Variants in NKAIN3 observed in about 807,000 individuals in gnomAD.
The protein encoded by NKAIN3 is sodium/potassium transporting ATPase interacting 3, also known as sodium/potassium-transporting ATPase subunit beta-1-interacting protein 3.
In NKAIN3, 25 loss-of-function variants were observed where a neutral mutation model predicts 30.2. The observed-to-expected ratio is 0.83, with a 90% CI of 0.60 to 1.16. NKAIN3 has a LOEUF of 1.16. Among genes scored for constraint, NKAIN3 ranks in the 50% most tolerant of loss-of-function variants. NKAIN3 has a pLI of 0.00. For missense variants in NKAIN3, 225 were observed against 254.1 expected, an observed-to-expected ratio of 0.89 and a Z score of 0.78; for synonymous variants, 91 against 89.6, an observed-to-expected ratio of 1.02 and a Z score of -0.09.
At chr8:62,633,102 T>C (rs1812018387) in intron 3 of NKAIN3, among the ~76,000 whole-genome samples, 1 of 152,092 alleles carries the variant, frequency 6.6e-6, no homozygotes, top group Non-Finnish European at 1.5e-5. Flanking sequence ...CTACAAATCC[T>C]TATGCTGCCA....
At chr8:62,419,867 C>T (rs1405544358) in intron 1 of NKAIN3, among the ~76,000 whole-genome samples, 4 of 152,170 alleles carry the variant, frequency 2.6e-5, no homozygotes, top group African/African-American at 7.2e-5. Flanking sequence ...AAGGCCATCT[C>T]GAGGTGCCCA....
chr8:62,843,235 G>A (rs1209715049), intron 4 of NKAIN3, among the ~76,000 whole-genome samples: 1 of 151,710 alleles, frequency 6.6e-6, no homozygotes, highest in East Asian at 1.9e-4. Flanking sequence ...AGCTGGAAAA[G>A]GCAAGGAAAT....
chr8:62,391,634 ATAT>A (rs763847049), intron 1 of NKAIN3, among the ~76,000 whole-genome samples: 68 of 152,152 alleles, frequency 4.5e-4, no homozygotes, highest in Admixed American at 4.0e-3. Context: ...AGCATATGTA[ATAT>A]TATTTTAAAA....
intron 3 of NKAIN3, among the ~76,000 whole-genome samples, chr8:62,603,333 C>T (rs1811036383): frequency 6.6e-6 from 1 of 152,048 alleles, no homozygotes; most frequent in Non-Finnish European, 1.5e-5. Context: ...ACCAGAATAG[C>T]AGTGTGTACT....
chr8:62,529,225 G>A (rs561914115), intron 1 of NKAIN3, among the ~76,000 whole-genome samples: 3 of 152,064 alleles, frequency 2.0e-5, no homozygotes, highest in Non-Finnish European at 2.9e-5. Flanking sequence ...TTTCTTGCAG[G>A]ATAACTTGAC....
At chr8:62,714,096 T>C (rs1393572764) in intron 3 of NKAIN3, among the ~76,000 whole-genome samples, 1 of 152,164 alleles carries the variant, frequency 6.6e-6, no homozygotes, top group Non-Finnish European at 1.5e-5. Flanking sequence ...CCATTTTTCA[T>C]TTCAGAAATA....
At chr8:62,290,676 A>G (rs879946549) in intron 1 of NKAIN3, among the ~76,000 whole-genome samples, 2 of 152,168 alleles carry the variant, frequency 1.3e-5, no homozygotes, top group African/African-American at 4.8e-5. Flanking sequence ...ATCAATGTTC[A>G]TCAGGGATAT....
At chr8:62,443,508 C>T (rs1366822581) in intron 1 of NKAIN3, among the ~76,000 whole-genome samples, 1 of 152,002 alleles carries the variant, frequency 6.6e-6, no homozygotes, top group African/African-American at 2.4e-5. Flanking sequence ...CTCAGCCTCC[C>T]GAGTAGCTGG....
At chr8:62,694,553 G>A (rs1474483646) in intron 3 of NKAIN3, among the ~76,000 whole-genome samples, 4 of 152,068 alleles carry the variant, frequency 2.6e-5, no homozygotes. Flanking sequence ...GAAAGAGAGA[G>A]GACGTCTCCC....
At chr8:62,262,226 G>C (rs1338436933) in intron 1 of NKAIN3, among the ~76,000 whole-genome samples, 1 of 152,094 alleles carries the variant, frequency 6.6e-6, no homozygotes, top group Non-Finnish European at 1.5e-5. Flanking sequence ...GTTGGTAGAA[G>C]GTAGCTTTCC....
At chr8:62,838,188 A>G (rs1819428125) in intron 4 of NKAIN3, among the ~76,000 whole-genome samples, 1 of 151,496 alleles carries the variant, frequency 6.6e-6, no homozygotes, top group African/African-American at 2.4e-5. Flanking sequence ...ATACTCAAGC[A>G]TATTGCAGCT....
chr8:62,909,437 T>C (rs1369016405), intron 4 of NKAIN3, among the ~76,000 whole-genome samples: 2 of 152,226 alleles, frequency 1.3e-5, no homozygotes, highest in Non-Finnish European at 2.9e-5. Context: ...AATGACTCTT[T>C]CCAAATTTTA....
intron 4 of NKAIN3, among the ~76,000 whole-genome samples, chr8:62,913,178 A>G (rs975221570): frequency 5.9e-5 from 9 of 152,092 alleles, no homozygotes; most frequent in African/African-American, 2.2e-4. Flanking sequence ...TAGAAGGACT[A>G]CACTCTACAG....
intron 1 of NKAIN3, among the ~76,000 whole-genome samples, chr8:62,342,137 A>G (rs16928729): frequency 0.039 from 5,860 of 150,522 alleles, 408 homozygotes; most frequent in African/African-American, 0.14. Context: ...TGTTTCCAAT[A>G]TTTGTGCAAA....
chr8:62,664,818 G>C (rs1003003029), intron 3 of NKAIN3, among the ~76,000 whole-genome samples: 3 of 152,176 alleles, frequency 2.0e-5, no homozygotes, highest in African/African-American at 7.2e-5. Flanking sequence ...CTATGATTCA[G>C]ATCAAGAACT....
chr8:62,949,536 T>C (rs1019857479), intron 5 of NKAIN3, among the ~76,000 whole-genome samples: 1 of 152,152 alleles, frequency 6.6e-6, no homozygotes, highest in African/African-American at 2.4e-5. Context: ...AAGAAGTTGC[T>C]CGGCTGTGCT....
chr8:62,338,884 C>G (rs186918250), intron 1 of NKAIN3, among the ~76,000 whole-genome samples: 1 of 152,088 alleles, frequency 6.6e-6, no homozygotes, highest in East Asian at 1.9e-4. Context: ...TCTGCCTTCC[C>G]CAGCCCACTG....
At chr8:62,408,989 A>T (rs184147092) in intron 1 of NKAIN3, among the ~76,000 whole-genome samples, 194 of 152,278 alleles carry the variant, frequency 1.3e-3, no homozygotes, top group African/African-American at 4.6e-3. Context: ...AAAAAATAGA[A>T]AAATGGTTTT....
chr8:62,635,647 G>A (rs557891402), intron 3 of NKAIN3, among the ~76,000 whole-genome samples: 413 of 152,194 alleles, frequency 2.7e-3, no homozygotes, highest in Middle Eastern at 0.01. Context: ...GGGCTCCCTT[G>A]CCCCTCCTGT....
Sources: allele counts gnomAD v4.1 joint callset (sites outside exome capture counted in the v4.1 genomes callset), GRCh38; gene constraint gnomAD v4.1.1; transcripts MANE v1.5; gene names NCBI Gene and HGNC (gene_info 2026-07-23, HGNC 2026-07-21).